FNIP1: variants seen among roughly 807,000 people sequenced by gnomAD.
FNIP1 encodes the protein folliculin-interacting protein 1.
A neutral mutation model predicts 124.5 loss-of-function variants in FNIP1; 40 were observed. The observed-to-expected ratio is 0.32, with a 90% confidence interval of 0.25 to 0.42. FNIP1 has a LOEUF of 0.42. Among genes scored for constraint, FNIP1 ranks in the 10% least tolerant of loss-of-function variants. FNIP1 has a pLI of 1.00. For missense variants in FNIP1, 1,176 were observed against 1,403.7 expected (o/e 0.84, Z 2.59); for synonymous variants, 472 against 470.6 (o/e 1.00, Z -0.04).
At position 131,671,617 on chromosome 5, in the gene FNIP1, G is replaced by A. The variant is rs1767752827; in HGVS notation, c.2827C>T (p.Leu943Phe). 3.7e-6 allele frequency: 6 copies of A among 1,613,964 alleles called. No homozygotes were observed. Among genetic ancestry groups the A allele is most frequent in the East Asian group, 2.2e-5 (1 of 44,860 alleles). ...GTATCTTCACTTTCACTATCCCCAA[G>A]GGCACTGTCTGAACTTTCATTTCTT... is the stretch of plus-strand genomic sequence containing the variant. ...IPRNESSDSALGDSESEDTGH... is the reference protein window; with the variant it reads ...IPRNESSDSAFGDSESEDTGH... The change falls in exon 14 of 18, where the codon CTT becomes TTT. Residue 943 changes from leucine (L) to phenylalanine (F), a missense_variant. Coordinates refer to ENST00000510461, the MANE Select transcript of FNIP1 (RefSeq NM_133372.3).
chr5:131,740,837 C>T (rs924416248), intron 2 of FNIP1, among the ~76,000 whole-genome samples: 5 of 152,198 alleles, frequency 3.3e-5, no homozygotes, highest in African/African-American at 1.2e-4. Context: ...GATGAAAAAG[C>T]CTGCAGTAAA....
At chr5:131,676,101 A>G (rs1767903982) in intron 13 of FNIP1, among the ~76,000 whole-genome samples, 1 of 146,812 alleles carries the variant, frequency 6.8e-6, no homozygotes, top group Non-Finnish European at 1.5e-5. Context: ...GGCTCACTGC[A>G]AGCTCCGCCT....
intron 2 of FNIP1, among the ~76,000 whole-genome samples, chr5:131,743,495 G>A (rs974430683): frequency 1.1e-4 from 16 of 151,942 alleles, no homozygotes; most frequent in Non-Finnish European, 1.6e-4. Context: ...GACACCAACA[G>A]ACACCAAGAA....
At chr5:131,791,599 T>C (rs1772406702) in intron 1 of FNIP1, among the ~76,000 whole-genome samples, 1 of 152,224 alleles carries the variant, frequency 6.6e-6, no homozygotes, top group South Asian at 2.1e-4. Context: ...CACATATTGC[T>C]GGGAAACCAT....
At chr5:131,705,154 T>C (rs920764397) in intron 9 of FNIP1, among the ~76,000 whole-genome samples, 1 of 152,016 alleles carries the variant, frequency 6.6e-6, no homozygotes, top group African/African-American at 2.4e-5. Flanking sequence ...AAAAAAGATA[T>C]ACAAATAGCC....
rs1247270837 is a variant in FNIP1 at position 131,642,545 on chromosome 5, C to T, written c.*2140G>A. On this transcript the variant is annotated 3_prime_UTR_variant, in exon 18 of 18. Transcript: ENST00000510461. ...GTTAAGGAGACACCCAGACATTATCCAAGTGCTATACAGAGCTACAATAAA... is the reference window on the plus strand; with the variant it reads ...GTTAAGGAGACACCCAGACATTATCTAAGTGCTATACAGAGCTACAATAAA... The T allele has an allele frequency of 6.6e-6, 1 of 151,454 alleles. No homozygotes were observed. The highest frequency in any genetic ancestry group is 2.4e-5 in the African/African-American group (1 of 41,142). 9.4% of individuals were successfully genotyped at this position (151,454 alleles called of 1,614,324 possible).
At chr5:131,735,433 A>C (rs2149553689) in intron 2 of FNIP1, among the ~76,000 whole-genome samples, 1 of 103,580 alleles carries the variant, frequency 9.7e-6, no homozygotes, top group Non-Finnish European at 2.0e-5. Flanking sequence ...CATTGTGCAC[A>C]TGTACCCTAG....
At chr5:131,662,500 CCTT>C (rs931832983) in intron 15 of FNIP1, among the ~76,000 whole-genome samples, 2 of 152,138 alleles carry the variant, frequency 1.3e-5, no homozygotes, top group African/African-American at 4.8e-5. Flanking sequence ...GCTCTAGACT[CCTT>C]CTGGGAAAGA....
intron 1 of FNIP1, among the ~76,000 whole-genome samples, chr5:131,761,687 A>G (rs1771235952): frequency 6.6e-6 from 1 of 152,130 alleles, no homozygotes; most frequent in South Asian, 2.1e-4. Flanking sequence ...CACACTACCC[A>G]AAGTAATCTG....
At chr5:131,769,912 G>A (rs971082799) in intron 1 of FNIP1, among the ~76,000 whole-genome samples, 1 of 152,198 alleles carries the variant, frequency 6.6e-6, no homozygotes, top group Admixed American at 6.5e-5. Context: ...GGCAGCTAGT[G>A]CAGACCAGAA....
chr5:131,760,197 T>C lies in FNIP1; in HGVS notation c.93-15507A>G, dbSNP rs1410488438. On this transcript the variant is annotated intron_variant, in intron 1 of 17. Transcript: ENST00000510461. ...CTAAGCATCATATAATATGCCCATG[T>C]AACAAACCTACATATGTACACCCTG... Among the ~76,000 whole-genome samples the C allele has an allele frequency of 3.9e-5, 6 of 152,064 alleles. No homozygotes were observed. The East Asian group carries it at 7.7e-4, about 20-fold the overall frequency.
intron 2 of FNIP1, among the ~76,000 whole-genome samples, chr5:131,733,724 G>A (rs1770184639): frequency 6.6e-6 from 1 of 152,124 alleles, no homozygotes; most frequent in Non-Finnish European, 1.5e-5. Context: ...TGCTGGATTT[G>A]GTTTGCCAGT....
At chr5:131,658,622 T>C (rs1767284389) in intron 15 of FNIP1, among the ~76,000 whole-genome samples, 1 of 152,004 alleles carries the variant, frequency 6.6e-6, no homozygotes, top group African/African-American at 2.4e-5. Flanking sequence ...AAGGTGAAGA[T>C]TAAAAAATTT....
At position 131,719,385 on chromosome 5, in the gene FNIP1, A is replaced by G. The variant is rs200343153; in HGVS notation, c.387T>C (p.Leu129=). Residue 129 remains leucine, a synonymous_variant, in exon 4 of 18, where the codon CTT becomes CTC. Coordinates refer to ENST00000510461, the MANE Select transcript of FNIP1 (RefSeq NM_133372.3). ...GSRCSSDANM[L]GEMMFGSVAM... ...CTACTGAGCCAAACATCATCTCTCC[A>G]AGCATATTGGCATCAGAAGAGCACC... 6,008 of 1,613,448 alleles carry G rather than the reference A, an allele frequency of 3.7e-3. 255 individuals carry two copies. In the South Asian group the frequency reaches 0.063, roughly 17 times the overall value.
chr5:131,698,910 T>C lies in FNIP1; in HGVS notation c.1202+7A>G, dbSNP rs1768795276. 1 of 1,601,430 alleles carries C rather than the reference T, an allele frequency of 6.2e-7. No homozygotes were observed. Among genetic ancestry groups the C allele is most frequent in the East Asian group, 2.3e-5 (1 of 44,432 alleles). On this transcript the variant is annotated splice_region_variant and intron_variant, in intron 11 of 17. Transcript: ENST00000510461. ...TACTGCATTATGGAAAGCTGGGCAA[T>C]ATGTACCTGAATTCATTTAGGGCAT...
intron 15 of FNIP1, among the ~76,000 whole-genome samples, chr5:131,658,907 C>CAAAAAAAAAAAAAAAAAAAAAA (rs70974003): frequency 4.9e-5 from 2 of 41,182 alleles, no homozygotes; most frequent in African/African-American, 2.0e-4. Flanking sequence ...TGGGTCTAGC[C>CAAAAAAAAAAAAAAAAAAAAAA]AAAAAAAAAA....
intron 1 of FNIP1, among the ~76,000 whole-genome samples, chr5:131,793,595 G>C (rs1421710564): frequency 1.3e-5 from 2 of 152,178 alleles, no homozygotes; most frequent in Non-Finnish European, 1.5e-5. Context: ...AGAGACCTTA[G>C]AGTGAAGACA....
intron 11 of FNIP1, 130 bp from the exon 12 acceptor site, chr5:131,679,305 G>T: frequency 1.6e-6 from 1 of 628,796 alleles, no homozygotes; most frequent in Non-Finnish European, 2.8e-6. Context: ...AAAGACAATG[G>T]ACCAAGTCCT....
intron 15 of FNIP1, among the ~76,000 whole-genome samples, chr5:131,660,843 G>A (rs1323655599): frequency 6.6e-6 from 1 of 152,218 alleles, no homozygotes; most frequent in Non-Finnish European, 1.5e-5. Context: ...AAGTGGCTGC[G>A]TAGTTCTCTT....
Sources: gnomAD v4.1 joint callset for allele counts (sites outside exome capture counted in the v4.1 genomes callset) on GRCh38, gnomAD v4.1.1 for gene constraint, MANE v1.5 for transcripts, NCBI Gene and HGNC (gene_info 2026-07-23, HGNC 2026-07-21) for gene names.